Variants in NBEA observed in about 807,000 individuals in gnomAD.
NBEA encodes the protein lysosomal-trafficking regulator 2.
Under a neutral mutation model 343.4 loss-of-function variants are expected in NBEA, and 44 were observed. The observed-to-expected ratio is 0.13, with a 90% confidence interval of 0.10 to 0.16. The LOEUF (loss-of-function observed/expected upper bound fraction) is 0.16. NBEA is among the 10% of genes least tolerant of loss of function. The probability of loss-of-function intolerance (pLI) is 1.00; values close to 1 mark genes in which losing one functional copy is unlikely to be tolerated. For synonymous variants in NBEA, 1,175 were observed against 1,238.7 expected, an observed-to-expected ratio of 0.95 and a Z score of 1.08; for missense variants, 2,555 against 3,631.3, an observed-to-expected ratio of 0.70 and a Z score of 7.62.
chr13:35,651,847 A>G lies in NBEA; in HGVS notation c.8006A>G (p.His2669Arg). Residue 2669 changes from histidine to arginine, a missense_variant, in exon 53 of 59, where the codon CAT becomes CGT. Coordinates refer to ENST00000379939, the MANE Select transcript of NBEA (RefSeq NM_001385012.1). ...APGYSLDQAH[H>R]LPIEMDPLIA... is the part of the protein sequence containing the mutation. ...GGATACTCCTTGGATCAAGCCCACCATCTTCCCATTGAAATGGATCCATTA... is the reference window on the plus strand; with the variant it reads ...GGATACTCCTTGGATCAAGCCCACCGTCTTCCCATTGAAATGGATCCATTA... 6.5e-7 allele frequency: 1 copy of G among 1,546,224 alleles called. No individual in the cohort carries two copies. The highest frequency in any genetic ancestry group is 8.8e-7 in the Non-Finnish European group (1 of 1,142,058).
At chr13:35,474,976 G>A (rs563481995) in intron 41 of NBEA, 1 of 1,401,722 alleles carries the variant, frequency 7.1e-7, no homozygotes, top group African/African-American at 1.4e-5. Flanking sequence ...CTGCGGAGTG[G>A]AATATTAGGA....
chr13:35,058,696 C>T (rs750963332), intron 7 of NBEA, 21 bp from the exon 8 acceptor site: 3 of 1,547,594 alleles, frequency 1.9e-6, no homozygotes, highest in Non-Finnish European at 2.6e-6. Flanking sequence ...ATGCATTTTT[C>T]TTTATTACTT....
chr13:35,433,669 T>G (rs1264320721), intron 39 of NBEA, among the ~76,000 whole-genome samples: 2 of 152,024 alleles, frequency 1.3e-5, no homozygotes, highest in Non-Finnish European at 2.9e-5. Flanking sequence ...TAACTTTATA[T>G]AGTAAAAGTA....
At chr13:34,989,211 G>A (rs1446271652) in intron 1 of NBEA, among the ~76,000 whole-genome samples, 1 of 150,890 alleles carries the variant, frequency 6.6e-6, no homozygotes, top group Admixed American at 6.6e-5. Flanking sequence ...ATAATTAAAA[G>A]TCATTTATCT....
At chr13:35,013,671 G>C (rs555928867) in intron 1 of NBEA, among the ~76,000 whole-genome samples, 1 of 152,036 alleles carries the variant, frequency 6.6e-6, no homozygotes, top group Non-Finnish European at 1.5e-5. Context: ...ATTTCACCAT[G>C]TTGGCCAGGC....
intron 13 of NBEA, among the ~76,000 whole-genome samples, chr13:35,112,804 C>T (rs1345932206): frequency 1.3e-5 from 2 of 151,652 alleles, no homozygotes; most frequent in East Asian, 1.9e-4. Context: ...TTTTCTGATT[C>T]GATTGGTAAT....
chr13:35,352,232 C>T lies in NBEA; in HGVS notation c.6088C>T (p.His2030Tyr). ...TGACCATCTTATCAGTGCTGCTAAACATCGAGATCATGTAACAGCAAATCA... is the reference window on the plus strand; with the variant it reads ...TGACCATCTTATCAGTGCTGCTAAATATCGAGATCATGTAACAGCAAATCA... ...MCDHLISAAKHRDHVTANQLK... is the reference protein window; with the variant it reads ...MCDHLISAAKYRDHVTANQLK... Residue 2030 changes from histidine to tyrosine, a missense_variant, in exon 38 of 59, where the codon CAT (histidine) becomes TAT (tyrosine). Physicochemically the swap from His to Tyr is moderately conservative, Grantham distance 83. Transcript: ENST00000379939. 1.3e-6 allele frequency: 2 copies of T among 1,571,022 alleles called. No homozygotes were observed. Among genetic ancestry groups the T allele is most frequent in the Non-Finnish European group, 1.7e-6 (2 of 1,155,080 alleles).
chr13:35,604,694 G>A (rs549824311), intron 47 of NBEA, among the ~76,000 whole-genome samples: 1 of 152,022 alleles, frequency 6.6e-6, no homozygotes, highest in South Asian at 2.1e-4. Flanking sequence ...CATCCATCTG[G>A]CCTCATATAC....
intron 34 of NBEA, among the ~76,000 whole-genome samples, chr13:35,268,415 T>C (rs910778204): frequency 3.3e-5 from 5 of 152,004 alleles, no homozygotes; most frequent in African/African-American, 9.7e-5. Flanking sequence ...ATAAGAGTTA[T>C]GGAGATGGAT....
chr13:35,553,702 T>C (rs916703978), intron 43 of NBEA, among the ~76,000 whole-genome samples: 7 of 152,152 alleles, frequency 4.6e-5, no homozygotes, highest in African/African-American at 9.7e-5. Context: ...TAATAATCCA[T>C]GAGTAACAGA....
chr13:35,427,184 G>C (rs879161271), intron 38 of NBEA, among the ~76,000 whole-genome samples: 2 of 152,130 alleles, frequency 1.3e-5, no homozygotes, highest in Admixed American at 1.3e-4. Context: ...GAGGAGCTGC[G>C]TTCCTTTGGA....
chr13:35,165,689 CTT>C (rs577851529), intron 24 of NBEA, among the ~76,000 whole-genome samples: 29 of 134,774 alleles, frequency 2.2e-4, no homozygotes, highest in Admixed American at 2.9e-4. Context: ...CTTTTCTTTT[CTT>C]TTTTTTTTTT....
chr13:35,045,707 T>G (rs1413959437), intron 4 of NBEA, among the ~76,000 whole-genome samples: 3 of 150,760 alleles, frequency 2.0e-5, no homozygotes, highest in African/African-American at 7.3e-5. Context: ...TATACAGTGT[T>G]TTTTGTTTTG....
chr13:35,439,610 G>A (rs2045626267), intron 39 of NBEA, among the ~76,000 whole-genome samples: 1 of 152,120 alleles, frequency 6.6e-6, no homozygotes, highest in Admixed American at 6.5e-5. Context: ...AACCATTTGA[G>A]GATAAGATAT....
intron 1 of NBEA, among the ~76,000 whole-genome samples, chr13:34,979,530 AAAAG>A (rs2060287390): frequency 1.3e-5 from 2 of 152,260 alleles, no homozygotes; most frequent in Admixed American, 1.3e-4. Flanking sequence ...AAAGAAAAAA[AAAAG>A]AAAAACAATT....
chr13:34,986,167 C>T (rs964737581), intron 1 of NBEA, among the ~76,000 whole-genome samples: 2 of 150,604 alleles, frequency 1.3e-5, no homozygotes, highest in South Asian at 4.3e-4. Context: ...CTCTTGTGGG[C>T]ATTTAGTGCT....
chr13:35,526,676 A>G (rs1359489609), intron 41 of NBEA, among the ~76,000 whole-genome samples: 1 of 152,176 alleles, frequency 6.6e-6, no homozygotes, highest in Non-Finnish European at 1.5e-5. Flanking sequence ...CTGGCAGGCT[A>G]TGCTAAGCTT....
chr13:35,062,218 G>A (rs1413496422), intron 8 of NBEA, among the ~76,000 whole-genome samples: 1 of 151,558 alleles, frequency 6.6e-6, no homozygotes, highest in Non-Finnish European at 1.5e-5. Flanking sequence ...TTCTAGAACT[G>A]AAAAATATAT....
chr13:35,631,638 T>A (rs1213196812), intron 49 of NBEA, among the ~76,000 whole-genome samples: 1 of 126,454 alleles, frequency 7.9e-6, no homozygotes, highest in Non-Finnish European at 1.6e-5. Flanking sequence ...GTCTCCTTTG[T>A]AAAAAAAAAA....
Sources: gnomAD v4.1 joint callset for allele counts (sites outside exome capture counted in the v4.1 genomes callset) on GRCh38, gnomAD v4.1.1 for gene constraint, MANE v1.5 for transcripts, NCBI Gene and HGNC (gene_info 2026-07-23, HGNC 2026-07-21) for gene names.